Variants in PRKN observed in about 807,000 individuals in gnomAD.
PRKN encodes parkin RBR E3 ubiquitin protein ligase.
A neutral mutation model predicts 59.5 loss-of-function variants in PRKN; 56 were observed. The observed-to-expected ratio is 0.94, with a 90% CI of 0.76 to 1.18. PRKN has a LOEUF of 1.18. Ranked by LOEUF, PRKN falls within the 50% of genes most tolerant of loss-of-function variation. The pLI, the probability that PRKN is intolerant of heterozygous loss-of-function variation, is 0.00. For missense variants in PRKN, 657 were observed against 596.4 expected, an observed-to-expected ratio of 1.10 and a Z score of -1.06; for synonymous variants, 250 against 222.1, an observed-to-expected ratio of 1.13 and a Z score of -1.12.
intron 1 of PRKN, among the ~76,000 whole-genome samples, chr6:162,466,611 T>C (rs1414676982): frequency 2.0e-5 from 3 of 152,076 alleles, no homozygotes; most frequent in Non-Finnish European, 2.9e-5. Context: ...TCTCACTATG[T>C]TGCCCAGGCT....
chr6:162,128,845 G>A (rs1167749291), intron 4 of PRKN, among the ~76,000 whole-genome samples: 4 of 152,176 alleles, frequency 2.6e-5, no homozygotes, highest in Non-Finnish European at 5.9e-5. Flanking sequence ...CCATCTATGA[G>A]AAACTCCTCA....
chr6:161,627,600 T>C (rs1783137278), intron 7 of PRKN, among the ~76,000 whole-genome samples: 1 of 152,198 alleles, frequency 6.6e-6, no homozygotes, highest in Non-Finnish European at 1.5e-5. Flanking sequence ...GAAAGATGGG[T>C]GGAACCCACA....
At chr6:162,391,508 C>T (rs1162780009) in intron 2 of PRKN, among the ~76,000 whole-genome samples, 1 of 150,968 alleles carries the variant, frequency 6.6e-6, no homozygotes, top group African/African-American at 2.4e-5. Flanking sequence ...TTTCTTACTG[C>T]GCATGCTTGA....
At chr6:162,525,754 G>A (rs572699073) in intron 1 of PRKN, among the ~76,000 whole-genome samples, 4 of 152,264 alleles carry the variant, frequency 2.6e-5, no homozygotes, top group Admixed American at 1.3e-4. Context: ...ATAAATAAAT[G>A]AATGACTCTT....
rs538358438 is a variant in PRKN at position 161,785,822 on chromosome 6, T to C, written c.821A>G (p.Asp274Gly). 46 of 1,614,002 alleles carry C rather than the reference T, an allele frequency of 2.9e-5. No individual in the cohort carries two copies. Among genetic ancestry groups the C allele is most frequent in the Non-Finnish European group, 3.4e-5 (40 of 1,179,998 alleles). ...FHLYCVTRLN[D>G]RQFVHDPQLG... Reference sequence around the variant, plus strand: ...TTGAGGGTCGTGAACAAACTGCCGATCATTGAGTCTTGTCACACAGTATAA... The same window carrying C: ...TTGAGGGTCGTGAACAAACTGCCGACCATTGAGTCTTGTCACACAGTATAA... Residue 274 changes from aspartate (D) to glycine (G), a missense_variant, in exon 7 of 12, where the codon GAT becomes GGT. Transcript: ENST00000366898.
intron 1 of PRKN, among the ~76,000 whole-genome samples, chr6:162,564,870 G>GAAAAAAAAAAAAAA (rs36063884): frequency 8.4e-6 from 1 of 119,160 alleles, no homozygotes; most frequent in Non-Finnish European, 1.8e-5. Context: ...ACTTCAATCA[G>GAAAAAAAAAAAAAA]AAAAAAAAAA....
chr6:162,461,158 T>C (rs1791136693), intron 1 of PRKN, among the ~76,000 whole-genome samples: 1 of 150,426 alleles, frequency 6.6e-6, no homozygotes, highest in Non-Finnish European at 1.5e-5. Context: ...ATACATGCTA[T>C]ATTAGGGCTT....
At chr6:162,495,685 T>C (rs2128186257) in intron 1 of PRKN, among the ~76,000 whole-genome samples, 1 of 152,270 alleles carries the variant, frequency 6.6e-6, no homozygotes, top group Middle Eastern at 3.4e-3. Context: ...TCTTTCTTTC[T>C]CACTGTCACT....
At chr6:162,684,256 T>C (rs2128233538) in intron 1 of PRKN, among the ~76,000 whole-genome samples, 1 of 152,198 alleles carries the variant, frequency 6.6e-6, no homozygotes, top group African/African-American at 2.4e-5. Flanking sequence ...TGATTTTTTT[T>C]TTCCAGTGTT....
At chr6:162,166,676 GGATA>G (rs1783003160) in intron 4 of PRKN, among the ~76,000 whole-genome samples, 1 of 152,172 alleles carries the variant, frequency 6.6e-6, no homozygotes, top group Non-Finnish European at 1.5e-5. Flanking sequence ...GGATGGAGAA[GGATA>G]GATAGATATT....
At chr6:161,422,392 T>G (rs1583047020) in intron 9 of PRKN, among the ~76,000 whole-genome samples, 1 of 151,978 alleles carries the variant, frequency 6.6e-6, no homozygotes, top group South Asian at 2.1e-4. Context: ...AGAGATGGGG[T>G]TTCACCATGT....
chr6:161,654,621 G>A (rs1229025882), intron 7 of PRKN, among the ~76,000 whole-genome samples: 1 of 152,150 alleles, frequency 6.6e-6, no homozygotes, highest in Non-Finnish European at 1.5e-5. Context: ...AGGGCAGTGG[G>A]GCTTTTAAAA....
At chr6:162,021,581 A>G (rs1335468662) in intron 5 of PRKN, among the ~76,000 whole-genome samples, 5 of 151,828 alleles carry the variant, frequency 3.3e-5, no homozygotes, top group African/African-American at 9.7e-5. Context: ...GATAAGAAAC[A>G]TATTACTCAT....
chr6:162,660,096 TCTCA>T (rs1778822214), intron 1 of PRKN, among the ~76,000 whole-genome samples: 1 of 152,288 alleles, frequency 6.6e-6, no homozygotes, highest in South Asian at 2.1e-4. Flanking sequence ...CACAGATTTC[TCTCA>T]CACACAATAC....
rs1384169581 is a variant in PRKN at position 162,666,277 on chromosome 6, T to G, written c.7+61385A>C. On this transcript the variant is annotated intron_variant, in intron 1 of 11. Transcript: ENST00000366898. ...AAGTCTGAGGATCATTATAATGGTATATAAATAACAATGAGACTAGTGAAT... is the reference window on the plus strand; with the variant it reads ...AAGTCTGAGGATCATTATAATGGTAGATAAATAACAATGAGACTAGTGAAT... 2.6e-5 allele frequency among the ~76,000 whole-genome samples: 4 copies of G among 152,258 alleles called. No individual in the cohort carries two copies. The South Asian group carries it at 8.3e-4, about 32-fold the overall frequency.
chr6:162,681,660 CTGAT>C (rs1045225059), intron 1 of PRKN, among the ~76,000 whole-genome samples: 54 of 152,254 alleles, frequency 3.5e-4, no homozygotes, highest in South Asian at 2.1e-4. Context: ...ACTTTAGCCT[CTGAT>C]TGATTGCATA....
At chr6:162,320,917 G>A (rs1782994123) in intron 2 of PRKN, among the ~76,000 whole-genome samples, 2 of 151,624 alleles carry the variant, frequency 1.3e-5, no homozygotes, top group Non-Finnish European at 2.9e-5. Flanking sequence ...AATTTTTTGG[G>A]ACTAAACAGA....
chr6:161,785,969 C>T (rs933817852), intron 6 of PRKN, 61 bp from the exon 7 acceptor site: 3 of 1,554,420 alleles, frequency 1.9e-6, no homozygotes, highest in African/African-American at 2.7e-5. Context: ...GCAGCACGTG[C>T]TTTAGACCAA....
intron 6 of PRKN, among the ~76,000 whole-genome samples, chr6:161,918,573 T>C (rs1164629604): frequency 6.6e-6 from 1 of 152,194 alleles, no homozygotes; most frequent in Non-Finnish European, 1.5e-5. Flanking sequence ...TACTGCATGG[T>C]ATACAAACAC....
Sources: allele counts gnomAD v4.1 joint callset (sites outside exome capture counted in the v4.1 genomes callset), GRCh38; gene constraint gnomAD v4.1.1; transcripts MANE v1.5; gene names NCBI Gene and HGNC (gene_info 2026-07-23, HGNC 2026-07-21).